CCDC77: variants seen among roughly 807,000 people sequenced by gnomAD.
CCDC77 encodes coiled-coil domain containing 77.
CCDC77 carries 56 observed loss-of-function variants against 66.8 expected under a neutral mutation model. The ratio of observed to expected loss-of-function variants is 0.84; its 90% CI spans 0.68 to 1.05. CCDC77 has a LOEUF of 1.05. Ranked by LOEUF, CCDC77 falls within the 50% of genes least tolerant of loss-of-function variation. The pLI, the probability that CCDC77 is intolerant of heterozygous loss-of-function variation, is 0.00. For missense variants in CCDC77, 570 were observed against 576.8 expected, an observed-to-expected ratio of 0.99 and a Z score of 0.12; for synonymous variants, 196 against 195.2, an observed-to-expected ratio of 1.00 and a Z score of -0.03.
rs774807165 is a variant in CCDC77, at chr12:433,299, CAAA to C, written c.800_802del (p.Lys267del). 2 of 1,613,850 alleles carry C rather than the reference CAAA, an allele frequency of 1.2e-6. No individual in the cohort carries two copies. The highest frequency in any genetic ancestry group is 1.7e-6 in the Non-Finnish European group (2 of 1,179,918). ...AAGTTCAGCACCAGAGAAATCAGAACAAAATCAAAGAGCTAACCAAAAAGTGAG... is the reference window on the plus strand; with the variant it reads ...AAGTTCAGCACCAGAGAAATCAGAACATCAAAGAGCTAACCAAAAAGTGAG... On this transcript the variant is annotated inframe_deletion, in exon 9 of 13. Transcript: ENST00000239830.
At chr12:418,673 T>G (rs755894606) in intron 5 of CCDC77, 37 bp downstream of exon 5, 1 of 1,588,414 alleles carries the variant, frequency 6.3e-7, no homozygotes, top group African/African-American at 1.4e-5. Context: ...GGAGTTTAAC[T>G]TTAAATTACA....
chr12:390,985 C>T (rs1352186979), intron 1 of CCDC77, among the ~76,000 whole-genome samples: 2 of 152,136 alleles, frequency 1.3e-5, no homozygotes, highest in Non-Finnish European at 1.5e-5. Context: ...GCCTAGACTC[C>T]AAAATGTACA....
chr12:390,477 T>TAAC (rs1944735460), intron 1 of CCDC77, among the ~76,000 whole-genome samples: 1 of 152,162 alleles, frequency 6.6e-6, no homozygotes, highest in African/African-American at 2.4e-5. Flanking sequence ...CACCTCTGAG[T>TAAC]AACAAATCAG....
At chr12:413,670 C>T (rs1471148146) in intron 4 of CCDC77, among the ~76,000 whole-genome samples, 7 of 149,366 alleles carry the variant, frequency 4.7e-5, no homozygotes, top group African/African-American at 1.8e-4. Flanking sequence ...CTCTGTCGCC[C>T]AGGCTGGAGT....
intron 1 of CCDC77, among the ~76,000 whole-genome samples, chr12:404,974 G>T (rs547997262): frequency 6.6e-6 from 1 of 152,002 alleles, no homozygotes; most frequent in African/African-American, 2.4e-5. Flanking sequence ...CGCCTTCCTC[G>T]GCCTCCCAAA....
intron 1 of CCDC77, chr12:389,506 C>A (rs1035525661): frequency 1.8e-5 from 5 of 277,724 alleles, no homozygotes; most frequent in East Asian, 5.8e-5. Context: ...CGGGGAGGGG[C>A]ACAAGCTCTT....
intron 1 of CCDC77, chr12:389,676 C>G (rs984657174): frequency 5.3e-6 from 1 of 190,196 alleles, no homozygotes; most frequent in African/African-American, 2.4e-5. Flanking sequence ...AGGAGGGTCC[C>G]TTTCCCTTTT....
At chr12:400,706 A>G (rs1214843315), upstream of CCDC77, among the ~76,000 whole-genome samples, 1 of 152,220 alleles carries the variant, frequency 6.6e-6, no homozygotes, top group Non-Finnish European at 1.5e-5. Flanking sequence ...AACAATTATA[A>G]TAGTAATATA....
At chr12:389,643 G>T (rs904401823) in intron 1 of CCDC77, 12 of 177,646 alleles carry the variant, frequency 6.8e-5, no homozygotes, top group African/African-American at 2.9e-4. Context: ...ATGCCCCAGA[G>T]GGCAGAGGTT....
At chr12:430,768 A>C in intron 7 of CCDC77, 32 bp downstream of exon 7, 1,088 of 1,521,392 alleles carry the variant, frequency 7.2e-4, no homozygotes, top group Non-Finnish European at 9.0e-4. Context: ...AGAAATTCTC[A>C]TCAATGCAGA....
At chr12:437,988 G>A (rs111840390) in intron 9 of CCDC77, among the ~76,000 whole-genome samples, 6 of 152,090 alleles carry the variant, frequency 3.9e-5, no homozygotes, top group African/African-American at 9.6e-5. Context: ...TCAGAACACC[G>A]TGATTTAGTT....
At chr12:424,829 T>C (rs537527272) in intron 5 of CCDC77, among the ~76,000 whole-genome samples, 1 of 152,160 alleles carries the variant, frequency 6.6e-6, no homozygotes, top group Admixed American at 6.5e-5. Flanking sequence ...TATACAGCAT[T>C]AGGTAAGGTT....
chr12:427,186 G>A (rs1005482221), intron 5 of CCDC77, among the ~76,000 whole-genome samples: 30 of 151,920 alleles, frequency 2.0e-4, no homozygotes, highest in South Asian at 8.3e-4. Flanking sequence ...CGGAGGTTGC[G>A]GTGAGCTGAG....
chr12:438,303 C>A, intron 9 of CCDC77, 32 bp from the exon 10 acceptor site: 1 of 1,466,496 alleles, frequency 6.8e-7, no homozygotes, highest in Non-Finnish European at 9.5e-7. Context: ...GTGTGCGCAT[C>A]CTCATGTCTG....
Position 423,500 on chromosome 12 carries a change from T to TTG in CCDC77, c.413+4865_413+4866insGT, listed in dbSNP as rs1306918401. 7.5e-3 allele frequency among the ~76,000 whole-genome samples: 627 copies of TTG among 83,756 alleles called. 25 individuals carry two copies. Among genetic ancestry groups the TTG allele is most frequent in the Non-Finnish European group, 0.011 (495 of 43,046 alleles). The allele number at this position is 83,756 out of a possible 152,430, so 54.9% of individuals were successfully genotyped here. A position where few individuals can be genotyped will look rare whatever the true frequency, so the allele number is the denominator to read the frequency against. The stretch of plus-strand genomic sequence containing the variant: ...TTGTGTTTTTTTTTGTTTTGTTTTT[T>TTG]TTTTTTTTTTTTTGAGACAGGGTCT... On this transcript the variant is annotated intron_variant, in intron 5 of 12. Coordinates refer to ENST00000239830, the MANE Select transcript of CCDC77 (RefSeq NM_032358.4).
chr12:402,448 A>G (rs1423067738), intron 1 of CCDC77, among the ~76,000 whole-genome samples: 2 of 152,252 alleles, frequency 1.3e-5, no homozygotes, highest in Non-Finnish European at 2.9e-5. Flanking sequence ...TTTCATGTAC[A>G]GACTAGATTT....
At chr12:425,385 C>T (rs922599830) in intron 5 of CCDC77, among the ~76,000 whole-genome samples, 8 of 151,570 alleles carry the variant, frequency 5.3e-5, no homozygotes, top group Middle Eastern at 3.4e-3. Flanking sequence ...GGATTCTTGT[C>T]GTGGTGCTTG....
intron 4 of CCDC77, among the ~76,000 whole-genome samples, chr12:416,540 A>G (rs1945288979): frequency 1.3e-5 from 2 of 148,228 alleles, no homozygotes; most frequent in African/African-American, 5.0e-5. Context: ...TCAGCCTCCC[A>G]AGTAGCTGGG....
chr12:419,176 A>T (rs1407768913), intron 5 of CCDC77, among the ~76,000 whole-genome samples: 2 of 152,178 alleles, frequency 1.3e-5, no homozygotes, highest in African/African-American at 2.4e-5. Flanking sequence ...TACTGTGGTA[A>T]CAGAAGCCTT....
Sources: gnomAD v4.1 joint callset for allele counts (sites outside exome capture counted in the v4.1 genomes callset) on GRCh38, gnomAD v4.1.1 for gene constraint, MANE v1.5 for transcripts, NCBI Gene and HGNC (gene_info 2026-07-23, HGNC 2026-07-21) for gene names.